CDH9: variants seen among roughly 807,000 people sequenced by gnomAD.
The protein encoded by CDH9 is cadherin 9.
A neutral mutation model predicts 70.9 loss-of-function variants in CDH9; 28 were observed. The observed-to-expected ratio is 0.40, with a 90% CI of 0.29 to 0.54. CDH9 has a LOEUF of 0.54. Ranked by LOEUF, CDH9 falls within the 20% of genes least tolerant of loss-of-function variation. The pLI, the probability that CDH9 is intolerant of heterozygous loss-of-function variation, is 0.59. For missense variants in CDH9, 874 were observed against 984.4 expected, an observed-to-expected ratio of 0.89 and a Z score of 1.50; for synonymous variants, 409 against 343.1, an observed-to-expected ratio of 1.19 and a Z score of -2.12.
chr5:26,906,994 C>T (rs529251099), intron 3 of CDH9, among the ~76,000 whole-genome samples, 156 bp from the exon 4 acceptor site: 13 of 152,156 alleles, frequency 8.5e-5, no homozygotes, highest in African/African-American at 2.9e-4. Context: ...AGTTACTTTC[C>T]TTTCTCATTT....
At chr5:27,037,787 C>G (rs965739575) in intron 1 of CDH9, among the ~76,000 whole-genome samples, 1 of 151,906 alleles carries the variant, frequency 6.6e-6, no homozygotes, top group African/African-American at 2.4e-5. Flanking sequence ...ACATATTTGC[C>G]TACAATAATA....
At chr5:26,994,628 A>G (rs1313461347) in intron 1 of CDH9, among the ~76,000 whole-genome samples, 1 of 152,058 alleles carries the variant, frequency 6.6e-6, no homozygotes, top group Non-Finnish European at 1.5e-5. Flanking sequence ...TGTAAACCAG[A>G]AAGAGTGCTG....
chr5:26,951,655 T>C (rs368411111), intron 2 of CDH9, among the ~76,000 whole-genome samples: 2 of 152,194 alleles, frequency 1.3e-5, no homozygotes, highest in East Asian at 1.9e-4. Flanking sequence ...CCACACAGAA[T>C]ATTCTGAGTT....
intron 2 of CDH9, among the ~76,000 whole-genome samples, chr5:26,957,091 AG>A (rs1267473816): frequency 6.6e-6 from 1 of 150,698 alleles, no homozygotes; most frequent in Non-Finnish European, 1.5e-5. Context: ...ATATTATAAT[AG>A]AATTAATAGA....
At chr5:26,918,156 C>T (rs1741179606) in intron 2 of CDH9, among the ~76,000 whole-genome samples, 1 of 152,082 alleles carries the variant, frequency 6.6e-6, no homozygotes, top group Admixed American at 6.6e-5. Context: ...TTTTGTTTTG[C>T]CTTTATGTCT....
intron 2 of CDH9, among the ~76,000 whole-genome samples, chr5:26,960,158 A>G (rs1048341505): frequency 2.0e-5 from 3 of 152,028 alleles, no homozygotes; most frequent in African/African-American, 7.2e-5. Flanking sequence ...AAAACAAGAA[A>G]ATCACCTGTC....
chr5:27,009,894 T>G (rs913165228), intron 1 of CDH9, among the ~76,000 whole-genome samples: 4 of 152,244 alleles, frequency 2.6e-5, no homozygotes, highest in African/African-American at 9.6e-5. Flanking sequence ...TCCATAGACT[T>G]TGCTGTGTCT....
intron 2 of CDH9, among the ~76,000 whole-genome samples, chr5:26,943,357 T>C (rs1242981454): frequency 6.6e-6 from 1 of 151,726 alleles, no homozygotes; most frequent in Non-Finnish European, 1.5e-5. Context: ...ACTAAAAAAA[T>C]ACAAAATTAG....
chr5:26,954,996 C>T (rs1741922679), intron 2 of CDH9, among the ~76,000 whole-genome samples: 1 of 152,042 alleles, frequency 6.6e-6, no homozygotes, highest in South Asian at 2.1e-4. Context: ...GGTTGTACCA[C>T]TACACACCAG....
At chr5:27,005,017 T>G (rs552821910) in intron 1 of CDH9, among the ~76,000 whole-genome samples, 1 of 152,206 alleles carries the variant, frequency 6.6e-6, no homozygotes, top group South Asian at 2.1e-4. Flanking sequence ...TTATAAAATT[T>G]GATATTCAGC....
chr5:26,930,384 A>G (rs2112023149), intron 2 of CDH9, among the ~76,000 whole-genome samples: 1 of 152,254 alleles, frequency 6.6e-6, no homozygotes, highest in South Asian at 2.1e-4. Context: ...TATATATGCC[A>G]AAATTCAAGC....
intron 1 of CDH9, among the ~76,000 whole-genome samples, chr5:27,007,909 T>C (rs920687702): frequency 6.6e-6 from 1 of 152,120 alleles, no homozygotes; most frequent in African/African-American, 2.4e-5. Flanking sequence ...GGATGAATAT[T>C]AATTTTTTTT....
At chr5:26,953,140 A>T (rs1487840324) in intron 2 of CDH9, among the ~76,000 whole-genome samples, 1 of 152,140 alleles carries the variant, frequency 6.6e-6, no homozygotes, top group Admixed American at 6.5e-5. Context: ...TGTATTGTAA[A>T]ATATTAAAGT....
At chr5:27,018,908 T>C (rs1218920545) in intron 1 of CDH9, among the ~76,000 whole-genome samples, 2 of 152,036 alleles carry the variant, frequency 1.3e-5, no homozygotes, top group Non-Finnish European at 2.9e-5. Flanking sequence ...TATTGGGTTT[T>C]AGTTTTTCTT....
chr5:27,018,093 CA>C (rs964255744), intron 1 of CDH9, among the ~76,000 whole-genome samples: 9 of 150,318 alleles, frequency 6.0e-5, no homozygotes, highest in East Asian at 5.8e-4. Context: ...TTTACTTTTA[CA>C]AAAAAAAGGT....
At chr5:26,926,924 C>A (rs1184575959) in intron 2 of CDH9, among the ~76,000 whole-genome samples, 3 of 147,770 alleles carry the variant, frequency 2.0e-5, no homozygotes, top group East Asian at 2.0e-4. Context: ...ACAGCCCCCC[C>A]CCGCAAAAAA....
chr5:26,943,374 G>T (rs550324296), intron 2 of CDH9, among the ~76,000 whole-genome samples: 9 of 151,970 alleles, frequency 5.9e-5, no homozygotes, highest in Admixed American at 5.9e-4. Flanking sequence ...TTAGCCTGAC[G>T]TGGTGGCTTG....
At chr5:26,905,835 A>T in intron 5 of CDH9, 124 bp downstream of exon 5, 1 of 700,526 alleles carries the variant, frequency 1.4e-6, no homozygotes. Flanking sequence ...AGAGGAATGG[A>T]TTATGGTTTT....
chr5:27,010,969 C>T (rs576822080), intron 1 of CDH9, among the ~76,000 whole-genome samples: 1 of 152,030 alleles, frequency 6.6e-6, no homozygotes, highest in African/African-American at 2.4e-5. Flanking sequence ...CACCATGTTC[C>T]CATAATTGTC....
Sources: gnomAD v4.1 joint callset for allele counts (sites outside exome capture counted in the v4.1 genomes callset) on GRCh38, gnomAD v4.1.1 for gene constraint, MANE v1.5 for transcripts, NCBI Gene and HGNC (gene_info 2026-07-23, HGNC 2026-07-21) for gene names.